The following ATAD2 variants were observed in gnomAD, a reference collection of about 807,000 sequenced individuals.
ATAD2 encodes the protein ATPase family AAA domain-containing protein 2.
A neutral mutation model predicts 168.9 loss-of-function variants in ATAD2; 62 were observed. The ratio of observed to expected loss-of-function variants is 0.37; its 90% CI spans 0.30 to 0.45. ATAD2 has a LOEUF of 0.45. Among genes scored for constraint, ATAD2 ranks in the 20% least tolerant of loss-of-function variants. The pLI is 1.00. For missense variants in ATAD2, 1,419 were observed against 1,667.8 expected (o/e 0.85, Z 2.60); for synonymous variants, 613 against 571.6 (o/e 1.07, Z -1.03).
Position 123,336,518 on chromosome 8 carries a change from G to A in ATAD2, c.3066C>T (p.Val1022=), listed in dbSNP as rs1827916098. Residue 1022 remains valine, a synonymous_variant, in exon 22 of 28, where the codon GTC becomes GTT. Transcript: ENST00000287394. ...PVDPDEVPDY[V]TVIKQPMDLS... is the part of the protein sequence containing the mutation. ...GGTCCATTGGTTGCTTTATTACAGT[G>A]ACATAATCAGGAACCTAAAATTCAA... The A allele has an allele frequency of 5.3e-6, 8 of 1,513,828 alleles. No individual in the cohort carries two copies. Among genetic ancestry groups the A allele is most frequent in the Non-Finnish European group, 7.0e-6 (8 of 1,136,528 alleles). The allele number at this position is 1,513,828 out of a possible 1,614,324, so 93.8% of individuals were successfully genotyped here.
chr8:123,342,465 G>C (rs1828090876), intron 19 of ATAD2: 1 of 151,830 alleles, frequency 6.6e-6, no homozygotes, highest in South Asian at 2.1e-4. Context: ...CAGAAGATTA[G>C]CATGACCCCT....
chr8:123,341,574 A>C (rs566334799), intron 19 of ATAD2, among the ~76,000 whole-genome samples: 67 of 152,308 alleles, frequency 4.4e-4, no homozygotes, highest in Non-Finnish European at 8.7e-4. Context: ...CATTCAGGAG[A>C]GTGACAAGAA....
In ATAD2 at chr8:123,414,157, T is replaced by C. The variant is rs1199908555; in HGVS notation, c.-2282+2091A>G. ...GCGGGAAATAATGAAATCAGATTTTTTTAACAAAAAATCATAGTTGCTAAC... is the reference window on the plus strand; with the variant it reads ...GCGGGAAATAATGAAATCAGATTTTCTTAACAAAAAATCATAGTTGCTAAC... On this transcript the variant is annotated intron_variant, in intron 1 of 28. Coordinates refer to the ATAD2 transcript ENST00000521903. 4.7e-5 allele frequency among the ~76,000 whole-genome samples: 7 copies of C among 148,832 alleles called. No homozygotes were observed. In the East Asian group the frequency reaches 1.4e-3, roughly 29 times the overall value.
At chr8:123,375,280 G>T (rs1192498948) in intron 2 of ATAD2, among the ~76,000 whole-genome samples, 1 of 152,076 alleles carries the variant, frequency 6.6e-6, no homozygotes, top group Non-Finnish European at 1.5e-5. Flanking sequence ...CACATAAAAT[G>T]ATGCTCAACA....
intron 18 of ATAD2, 91 bp from the exon 19 acceptor site, chr8:123,345,160 G>C (rs1167865752): frequency 8.2e-7 from 1 of 1,218,076 alleles, no homozygotes; most frequent in Non-Finnish European, 1.1e-6. Context: ...AACCTCCCAG[G>C]AGTAACATAT....
In ATAD2 at chr8:123,322,986, T is replaced by A. The variant is rs149041753; in HGVS notation, c.4083A>T (p.Gln1361His). ...QLENLYAVIS[Q>H]CIYRHRKDHD... ...GGTCCTTGCGATGCCGATAAATACA[T>A]TGGCTGATTACTGCATACAAATTTT... Residue 1361 changes from glutamine to histidine, a missense_variant, in exon 27 of 28, where the codon CAA becomes CAT. Gln to His is a conservative substitution (Grantham distance 24). This residue lies in a region of ATAD2 where 303 missense variants were observed against 304.3 expected (regional missense o/e 1.00). Transcript: ENST00000287394. 4 of 1,613,882 alleles carry A rather than the reference T, an allele frequency of 2.5e-6. No individual in the cohort carries two copies. The highest frequency in any genetic ancestry group is 1.1e-5 in the South Asian group (1 of 91,066).
chr8:123,348,220 C>T lies in ATAD2; in HGVS notation c.1860G>A (p.Leu620=), dbSNP rs762539572. The T allele has an allele frequency of 1.9e-6, 3 of 1,602,426 alleles. No homozygotes were observed. The highest frequency in any genetic ancestry group is 2.5e-6 in the Non-Finnish European group (3 of 1,176,980). The part of the protein sequence containing the change: ...IHTRDWNPKP[L]DTFLEELAEN... The stretch of plus-strand genomic sequence containing the variant: ...CTGCTAGCTCTTCTAAAAATGTGTC[C>T]AGTGGTTTGGGATTCCAATCCCTGG... Residue 620 remains leucine (L), a synonymous_variant, in exon 15 of 28, where the codon CTG becomes CTA. Coordinates refer to ENST00000287394, the MANE Select transcript of ATAD2 (RefSeq NM_014109.4).
intron 1 of ATAD2, chr8:123,401,943 T>G: frequency 1.2e-6 from 1 of 822,490 alleles, no homozygotes; most frequent in South Asian, 1.3e-5. Context: ...GTGCCCTACC[T>G]CATAGTGGGC....
chr8:123,404,826 C>T (rs1264511313), intron 1 of ATAD2, among the ~76,000 whole-genome samples: 1 of 152,198 alleles, frequency 6.6e-6, no homozygotes, highest in Non-Finnish European at 1.5e-5. Flanking sequence ...AGGCGTGAGC[C>T]ACCGCGCCCA....
At position 123,370,011 on chromosome 8, in the gene ATAD2, C is replaced by G; in HGVS notation, c.741G>C (p.Glu247Asp). 6.2e-7 allele frequency: 1 copy of G among 1,602,340 alleles called. No homozygotes were observed. The highest frequency in any genetic ancestry group is 8.5e-7 in the Non-Finnish European group (1 of 1,172,924). The change falls in exon 7 of 28, where the codon GAG (glutamate) becomes GAC (aspartate). Residue 247 changes from glutamate (E) to aspartate (D), a missense_variant. By Grantham distance (45) the Glu-to-Asp change is conservative. Around this residue, in one of 5 missense-constraint regions of ATAD2, gnomAD observed 419 missense variants for 423.5 expected, o/e 0.99. Coordinates refer to ENST00000287394, the MANE Select transcript of ATAD2 (RefSeq NM_014109.4). Reference protein sequence around the residue: ...NQEGSVESSEEGEDQEHEDDG... With the variant: ...NQEGSVESSEDGEDQEHEDDG... ...CATCTTCATGTTCTTGGTCTTCACCCTCTTCAGATGACTCTACAATTAAGA... is the reference window on the plus strand; with the variant it reads ...CATCTTCATGTTCTTGGTCTTCACCGTCTTCAGATGACTCTACAATTAAGA...
In ATAD2 at chr8:123,380,592, T is replaced by C; in HGVS notation, c.257A>G (p.Asp86Gly). ...SLRKDAQNSSDSSFEKNVEIT... is the reference protein window; with the variant it reads ...SLRKDAQNSSGSSFEKNVEIT... ...TTCCACATTCTTCTCAAAACTAGAA[T>C]CTGAAGAATTCTGTGCATCTTTTCT... Residue 86 changes from aspartate to glycine, a missense_variant, in exon 2 of 28, where the codon GAT becomes GGT. By Grantham distance (94) the Asp-to-Gly change is moderately conservative. Around this residue, in one of 5 missense-constraint regions of ATAD2, gnomAD observed 419 missense variants for 423.5 expected, o/e 0.99. Transcript: ENST00000287394. 1.9e-6 allele frequency: 3 copies of C among 1,614,094 alleles called. No homozygotes were observed. The highest frequency in any genetic ancestry group is 8.5e-7 in the Non-Finnish European group (1 of 1,179,982).
At chr8:123,354,864 A>AATATATATATATATATAT (rs1251736641) in intron 13 of ATAD2, among the ~76,000 whole-genome samples, 42 of 64,702 alleles carry the variant, frequency 6.5e-4, no homozygotes, top group African/African-American at 3.6e-3. Context: ...AAAAAAAAAA[A>AATATATATATATATATAT]ATATATATAT....
At position 123,346,095 on chromosome 8, in the gene ATAD2, T is replaced by C. The variant is rs1180700490; in HGVS notation, c.2523A>G (p.Thr841=). 1.3e-6 allele frequency: 2 copies of C among 1,531,320 alleles called. No individual in the cohort carries two copies. The highest frequency in any genetic ancestry group is 4.3e-5 in the Admixed American group (2 of 47,006). 94.9% of individuals were successfully genotyped at this position (1,531,320 alleles called of 1,614,324 possible). A position where few individuals can be genotyped will look rare whatever the true frequency, so the allele number is the denominator to read the frequency against. ...GGCACCAACAAATTACCTGGGCACA[T>C]GTTTCTTCAGGGGATGTAGTACTAA... ...FGVSTTSPEE[T]CAQVIREAKR... The change falls in exon 18 of 28, where the codon ACA becomes ACG. Residue 841 remains threonine, a synonymous_variant. Coordinates refer to ENST00000287394, the MANE Select transcript of ATAD2 (RefSeq NM_014109.4).
intron 9 of ATAD2, among the ~76,000 whole-genome samples, chr8:123,360,282 T>C (rs979034934): frequency 6.6e-6 from 1 of 152,190 alleles, no homozygotes; most frequent in Non-Finnish European, 1.5e-5. Flanking sequence ...TCTACCAGCA[T>C]TTGGATCCAA....
At chr8:123,333,538 T>C (rs1450551599) in intron 24 of ATAD2, among the ~76,000 whole-genome samples, 1 of 151,904 alleles carries the variant, frequency 6.6e-6, no homozygotes, top group Non-Finnish European at 1.5e-5. Flanking sequence ...AAATTGGAAT[T>C]AGAAGTCTGC....
At chr8:123,331,777 C>A (rs904833269) in intron 24 of ATAD2, among the ~76,000 whole-genome samples, 1 of 152,124 alleles carries the variant, frequency 6.6e-6, no homozygotes, top group African/African-American at 2.4e-5. Context: ...ACAAAAAATA[C>A]TTGAGAACCG....
chr8:123,366,592 T>C (rs1356925248), intron 8 of ATAD2, among the ~76,000 whole-genome samples: 4 of 152,174 alleles, frequency 2.6e-5, no homozygotes, highest in Admixed American at 6.5e-5. Flanking sequence ...TTGGATGAGA[T>C]TGGAGACTTA....
At chr8:123,361,480 C>T (rs1828820555) in intron 9 of ATAD2, 59 bp downstream of exon 9, 2 of 1,414,168 alleles carry the variant, frequency 1.4e-6, no homozygotes, top group Non-Finnish European at 2.0e-6. Context: ...ATTCTGTTTT[C>T]TTAGCAATTT....
chr8:123,337,376 T>A (rs554693917), intron 21 of ATAD2, among the ~76,000 whole-genome samples: 234 of 151,492 alleles, frequency 1.5e-3, no homozygotes, highest in African/African-American at 4.9e-3. Flanking sequence ...AAAAAAAAAA[T>A]AATAAGACAT....
Sources: allele counts gnomAD v4.1 joint callset (sites outside exome capture counted in the v4.1 genomes callset), GRCh38; gene constraint gnomAD v4.1.1; regional missense constraint gnomAD v4.1.1; transcripts MANE v1.5; gene names NCBI Gene and HGNC (gene_info 2026-07-23, HGNC 2026-07-21).